The following CAMKMT variants were observed in gnomAD, a reference collection of about 807,000 sequenced individuals.
CAMKMT encodes calmodulin-lysine N-methyltransferase, also known as CaM KMT.
In CAMKMT, 53 loss-of-function variants were observed where a neutral mutation model predicts 48.0. That is an observed-to-expected ratio of 1.10 (90% CI 0.89 to 1.39). The LOEUF is 1.39. Ranked by LOEUF, CAMKMT falls within the 40% of genes most tolerant of loss-of-function variation. The probability of loss-of-function intolerance (pLI) is 0.00; values close to 1 mark genes in which losing one functional copy is unlikely to be tolerated. For synonymous variants in CAMKMT, 165 were observed against 152.3 expected (o/e 1.08, Z -0.61); for missense variants, 428 against 402.7 (o/e 1.06, Z -0.54).
At chr2:44,397,058 C>CAAAAAAAAAAAAAAAAAAAAA (rs59188592) in intron 3 of CAMKMT, among the ~76,000 whole-genome samples, 1 of 120,430 alleles carries the variant, frequency 8.3e-6, no homozygotes, top group Non-Finnish European at 1.7e-5. Flanking sequence ...GACTCCATCT[C>CAAAAAAAAAAAAAAAAAAAAA]AAAAAAAAAA....
chr2:44,483,106 C>T (rs1669054748), intron 3 of CAMKMT, among the ~76,000 whole-genome samples: 2 of 152,150 alleles, frequency 1.3e-5, no homozygotes, highest in African/African-American at 2.4e-5. Flanking sequence ...ACACTAAAGG[C>T]TCCTACAACT....
intron 1 of CAMKMT, among the ~76,000 whole-genome samples, chr2:44,372,154 G>A (rs1397255431): frequency 1.3e-5 from 2 of 152,138 alleles, no homozygotes. Flanking sequence ...GGTTGCAAAA[G>A]TCAGAGTAAC....
chr2:44,512,099 G>A (rs1558667315), intron 3 of CAMKMT, among the ~76,000 whole-genome samples: 4 of 152,146 alleles, frequency 2.6e-5, no homozygotes, highest in Admixed American at 1.3e-4. Context: ...CATGACACTT[G>A]TAGTCACTGC....
chr2:44,412,199 A>G (rs1322719087), intron 3 of CAMKMT, among the ~76,000 whole-genome samples: 1 of 152,026 alleles, frequency 6.6e-6, no homozygotes, highest in Non-Finnish European at 1.5e-5. Context: ...GAGTCTGTCC[A>G]TTTATTCTGT....
chr2:44,541,603 T>G (rs887461431), intron 3 of CAMKMT, among the ~76,000 whole-genome samples: 1 of 152,000 alleles, frequency 6.6e-6, no homozygotes, highest in Middle Eastern at 3.2e-3. Flanking sequence ...AAATCCCATC[T>G]TGACAAAAAA....
Position 44,635,121 on chromosome 2 carries a change from A to G in CAMKMT, c.377-69162A>G, listed in dbSNP as rs112811324. Among the ~76,000 whole-genome samples, 313 of 152,360 alleles carry G rather than the reference A, an allele frequency of 2.1e-3. 1 individual carries two copies. In the Middle Eastern group the frequency reaches 0.024, roughly 12 times the overall value. Reference sequence around the variant, plus strand: ...ATATTAGATGCTATGCAAGGTGTTAAGTGTTGAGCATCCAAAGGGTGAGTA... The same window carrying G: ...ATATTAGATGCTATGCAAGGTGTTAGGTGTTGAGCATCCAAAGGGTGAGTA... On this transcript the variant is annotated intron_variant, in intron 3 of 10. Transcript: ENST00000378494.
intron 3 of CAMKMT, chr2:44,393,418 G>T (rs760008714): frequency 6.6e-6 from 1 of 152,116 alleles, no homozygotes; most frequent in East Asian, 1.9e-4. Flanking sequence ...TCACGTCTGC[G>T]TATTGATTTA....
At chr2:44,532,818 T>G (rs2880050) in intron 3 of CAMKMT, among the ~76,000 whole-genome samples, 1 of 124,700 alleles carries the variant, frequency 8.0e-6, no homozygotes, top group Non-Finnish European at 1.6e-5. Context: ...GCCATTAAAG[T>G]TTTTTTTTTT....
chr2:44,731,162 G>A (rs191166067), intron 7 of CAMKMT, among the ~76,000 whole-genome samples: 10 of 152,266 alleles, frequency 6.6e-5, no homozygotes, highest in South Asian at 2.1e-4. Context: ...CCAACATGGC[G>A]AAACCCCGTC....
intron 3 of CAMKMT, among the ~76,000 whole-genome samples, chr2:44,600,745 A>G (rs1488417112): frequency 1.3e-5 from 2 of 152,112 alleles, no homozygotes; most frequent in Non-Finnish European, 2.9e-5. Flanking sequence ...TGTTATTCCT[A>G]TAGTTTTTTG....
At chr2:44,484,814 T>G (rs1669137687) in intron 3 of CAMKMT, among the ~76,000 whole-genome samples, 1 of 152,076 alleles carries the variant, frequency 6.6e-6, no homozygotes, top group African/African-American at 2.4e-5. Flanking sequence ...GAGGCGGTAT[T>G]TGAAATGCAT....
At chr2:44,596,581 A>G (rs1038769739) in intron 3 of CAMKMT, among the ~76,000 whole-genome samples, 4 of 152,218 alleles carry the variant, frequency 2.6e-5, no homozygotes, top group Admixed American at 6.5e-5. Flanking sequence ...TCTGTAGTAC[A>G]CACATTTTAG....
intron 3 of CAMKMT, among the ~76,000 whole-genome samples, chr2:44,646,410 A>G (rs1423366926): frequency 6.6e-6 from 1 of 152,040 alleles, no homozygotes; most frequent in Non-Finnish European, 1.5e-5. Flanking sequence ...TCATAACGTT[A>G]CAGAAAAATA....
At position 44,489,612 on chromosome 2, in the gene CAMKMT, A is replaced by G. The variant is rs573784897; in HGVS notation, c.376+99307A>G. Among the ~76,000 whole-genome samples the G allele has an allele frequency of 2.0e-5, 3 of 152,288 alleles. No homozygotes were observed. The South Asian group carries it at 6.2e-4, about 32-fold the overall frequency. On this transcript the variant is annotated intron_variant, in intron 3 of 10. Coordinates refer to ENST00000378494, the MANE Select transcript of CAMKMT (RefSeq NM_024766.5). ...ATGAAGTAATGAGGTATAATAGTAT[A>G]TTGCAATACTTGGATTACAATTGAC...
At chr2:44,445,707 T>C (rs1666956091) in intron 3 of CAMKMT, among the ~76,000 whole-genome samples, 1 of 133,300 alleles carries the variant, frequency 7.5e-6, no homozygotes, top group African/African-American at 2.8e-5. Context: ...AGTTGGGCTT[T>C]TGGTCTTCCT....
Position 44,372,877 on chromosome 2 carries a change from T to C in CAMKMT, c.300T>C (p.Ser100=). The change falls in exon 2 of 11, where the codon AGT becomes AGC. Residue 100 remains serine (S), a synonymous_variant. Transcript: ENST00000378494. ...CAAGCATCTTCTGTCCTGAATACAG[T>C]ATCTCCTTAAGGTAACCATTATTCT... ...QYTSIFCPEY[S]ISLRHNSGSL... is the part of the protein sequence containing the mutation. The C allele has an allele frequency of 6.2e-7, 1 of 1,612,982 alleles. No individual in the cohort carries two copies. The highest frequency in any genetic ancestry group is 8.5e-7 in the Non-Finnish European group (1 of 1,179,520).
chr2:44,546,402 C>T (rs902236421), intron 3 of CAMKMT, among the ~76,000 whole-genome samples: 5 of 152,174 alleles, frequency 3.3e-5, no homozygotes, highest in South Asian at 4.1e-4. Context: ...CATTCTGCCA[C>T]GACCATTTCC....
At chr2:44,415,875 C>T (rs1683516051) in intron 3 of CAMKMT, among the ~76,000 whole-genome samples, 1 of 152,114 alleles carries the variant, frequency 6.6e-6, no homozygotes, top group East Asian at 1.9e-4. Context: ...TGCTGTGATT[C>T]ATAATACTCT....
chr2:44,565,564 C>G (rs1668564639), intron 3 of CAMKMT, among the ~76,000 whole-genome samples: 1 of 152,046 alleles, frequency 6.6e-6, no homozygotes, highest in Admixed American at 6.6e-5. Flanking sequence ...GATTCTAAAG[C>G]AGTTCTTCTA....
Sources: allele counts gnomAD v4.1 joint callset (sites outside exome capture counted in the v4.1 genomes callset), GRCh38; gene constraint gnomAD v4.1.1; transcripts MANE v1.5; gene names NCBI Gene and HGNC (gene_info 2026-07-23, HGNC 2026-07-21).